The following DUSP4 variants were observed in gnomAD, a reference collection of about 807,000 sequenced individuals.
DUSP4 encodes dual specificity phosphatase 4.
A neutral mutation model predicts 27.2 loss-of-function variants in DUSP4; 12 were observed. The ratio of observed to expected loss-of-function variants is 0.44; its 90% CI spans 0.28 to 0.71. The LOEUF is 0.71. Among genes scored for constraint, DUSP4 ranks in the 30% least tolerant of loss-of-function variants. The probability of loss-of-function intolerance (pLI) is 0.14; values close to 1 mark genes in which losing one functional copy is unlikely to be tolerated. For synonymous variants in DUSP4, 257 were observed against 245.2 expected, an observed-to-expected ratio of 1.05 and a Z score of -0.45; for missense variants, 448 against 551.3, an observed-to-expected ratio of 0.81 and a Z score of 1.88.
At chr8:29,349,641 C>A (rs1817791254) in intron 1 of DUSP4, among the ~76,000 whole-genome samples, 1 of 152,226 alleles carries the variant, frequency 6.6e-6, no homozygotes, top group South Asian at 2.1e-4. Flanking sequence ...CGGAGAAACC[C>A]GTCCGCACTT....
rs1817607879 is a variant in DUSP4, at chr8:29,338,323, G to A, written c.758C>T (p.Ala253Val). The A allele has an allele frequency of 1.9e-6, 3 of 1,614,196 alleles. No homozygotes were observed. Among genetic ancestry groups the A allele is most frequent in the Non-Finnish European group, 1.7e-6 (2 of 1,180,048 alleles). ...KCIPVEDNHK[A>V]DISSWFMEAI... ...TTCCATGAACCAGGAGCTGATGTCG[G>A]CCTTGTGGTTATCTTCCACTGGGAT... The change falls in exon 3 of 4, where the codon GCC becomes GTC. Residue 253 changes from alanine to valine, a missense_variant. Ala to Val is a moderately conservative substitution (Grantham distance 64). Around this residue, in one of 3 missense-constraint regions of DUSP4, gnomAD observed 345 missense variants for 394.0 expected, o/e 0.88. Coordinates refer to ENST00000240100, the MANE Select transcript of DUSP4 (RefSeq NM_001394.7).
rs540182139 is a variant in DUSP4 at position 29,348,537 on chromosome 8, C to G, written c.433+1309G>C. The G allele has an allele frequency of 4.5e-5, 44 of 985,562 alleles. No individual in the cohort carries two copies. The South Asian group carries it at 1.8e-3, about 41-fold the overall frequency. The allele number at this position is 985,562 out of a possible 1,614,324, so 61.1% of individuals were successfully genotyped here. ...CAACCAAAGGTCAACAGCAGCGTTTCCCCAGCAGCTGACAGGTCAAATGGG... is the reference window on the plus strand; with the variant it reads ...CAACCAAAGGTCAACAGCAGCGTTTGCCCAGCAGCTGACAGGTCAAATGGG... On this transcript the variant is annotated intron_variant, in intron 1 of 3. Coordinates refer to ENST00000240100, the MANE Select transcript of DUSP4 (RefSeq NM_001394.7).
intron 3 of DUSP4, 58 bp downstream of exon 3, chr8:29,338,224 T>G (rs1817605883): frequency 6.4e-7 from 1 of 1,567,588 alleles, no homozygotes; most frequent in Non-Finnish European, 8.8e-7. Flanking sequence ...CTTACAGGGG[T>G]TCCTTATCCT....
intron 1 of DUSP4, chr8:29,345,599 T>C: frequency 1.3e-6 from 2 of 1,499,046 alleles, no homozygotes; most frequent in South Asian, 1.4e-5. Flanking sequence ...TCAGATGTTC[T>C]GATTTTTTTT....
chr8:29,347,567 C>G (rs1283142490), intron 1 of DUSP4, among the ~76,000 whole-genome samples: 1 of 152,186 alleles, frequency 6.6e-6, no homozygotes. Flanking sequence ...GAACTTCTGG[C>G]TAGGAGGGGC....
intron 1 of DUSP4, 21 bp from the exon 2 acceptor site, chr8:29,340,264 C>T (rs1817638798): frequency 1.3e-6 from 2 of 1,596,386 alleles, no homozygotes; most frequent in African/African-American, 1.3e-5. Flanking sequence ...GAAAGAAGCT[C>T]AGGTTAATGG....
intron 2 of DUSP4, 68 bp from the exon 3 acceptor site, chr8:29,338,569 A>C: frequency 2.6e-6 from 4 of 1,513,440 alleles, no homozygotes; most frequent in Non-Finnish European, 3.6e-6. Flanking sequence ...AGGGAGTGGA[A>C]GCTTGTCTGA....
At position 29,340,172 on chromosome 8, in the gene DUSP4, G is replaced by A. The variant is rs964673472; in HGVS notation, c.505C>T (p.Pro169Ser). The A allele has an allele frequency of 3.1e-5, 50 of 1,612,802 alleles. No individual in the cohort carries two copies. The highest frequency in any genetic ancestry group is 3.9e-5 in the Non-Finnish European group (46 of 1,179,550). The change falls in exon 2 of 4, where the codon CCC (proline) becomes TCC (serine). Residue 169 changes from proline to serine, a missense_variant. Transcript: ENST00000240100. ...SKTKALAAIP[P>S]PVPPSATEPL... is the part of the protein sequence containing the mutation. ...TCTGTGGCACTGGGGGGAACCGGGG[G>A]TGGGATGGCTGCCAGGGCCTTGGTT...
At position 29,336,709 on chromosome 8, in the gene DUSP4, T is replaced by A. The variant is rs1228082225; in HGVS notation, c.*317A>T. ...GCTAGGATCTGTGGGTTTCATCACT[T>A]CAAGCCTTACTGCTTAAAAAAATGA... On this transcript the variant is annotated 3_prime_UTR_variant, in exon 4 of 4. Transcript: ENST00000240100. 7.0e-6 allele frequency: 2 copies of A among 286,150 alleles called. No individual in the cohort carries two copies. Among genetic ancestry groups the A allele is most frequent in the East Asian group, 1.5e-4 (2 of 12,972 alleles). 17.7% of individuals were successfully genotyped at this position (286,150 alleles called of 1,614,324 possible). A position where few individuals can be genotyped will look rare whatever the true frequency, so the allele number is the denominator to read the frequency against.
intron 1 of DUSP4, chr8:29,345,650 TCTCC>T: frequency 6.8e-7 from 1 of 1,469,870 alleles, no homozygotes; most frequent in Non-Finnish European, 8.9e-7. Context: ...ACCCTTTCTC[TCTCC>T]CTCATTTTTC....
intron 1 of DUSP4, among the ~76,000 whole-genome samples, chr8:29,349,360 T>C (rs1048317247): frequency 6.6e-6 from 1 of 152,240 alleles, no homozygotes. Context: ...CAGGGTCTTG[T>C]TTTCAGTGAA....
chr8:29,349,021 G>C (rs1817782237), intron 1 of DUSP4, among the ~76,000 whole-genome samples: 1 of 152,210 alleles, frequency 6.6e-6, no homozygotes, highest in Non-Finnish European at 1.5e-5. Flanking sequence ...CAGGATTTCC[G>C]ACTACCAAAT....
In DUSP4 at chr8:29,350,196, G is replaced by A; in HGVS notation, c.83C>T (p.Ala28Val). 1 of 1,607,676 alleles carries A rather than the reference G, an allele frequency of 6.2e-7. No homozygotes were observed. The highest frequency in any genetic ancestry group is 8.5e-7 in the Non-Finnish European group (1 of 1,178,062). ...GGTGCCGTGGCTGCCGCTGCCGCCC[G>A]CGCCGCCGCCATTCTCGTCCCGGTT... ...LMNRDENGGG[A>V]GGSGSHGTLG... Residue 28 changes from alanine (A) to valine (V), a missense_variant, in exon 1 of 4, where the codon GCG becomes GTG. Ala to Val is a moderately conservative substitution (Grantham distance 64). Coordinates refer to ENST00000240100, the MANE Select transcript of DUSP4 (RefSeq NM_001394.7).
rs1348992247 is a variant in DUSP4, at chr8:29,333,894, C to G, written c.*3132G>C. ...TTGGAGTCAACTATCCTATGTCCCT[C>G]TCTCCATCTTCCCAAGATTTAAAAA... On this transcript the variant is annotated 3_prime_UTR_variant, in exon 4 of 4. Coordinates refer to ENST00000240100, the MANE Select transcript of DUSP4 (RefSeq NM_001394.7). The G allele has an allele frequency of 6.6e-6, 1 of 152,278 alleles. No homozygotes were observed. Among genetic ancestry groups the G allele is most frequent in the Non-Finnish European group, 1.5e-5 (1 of 68,062 alleles). The allele number at this position is 152,278 out of a possible 1,614,324, so 9.4% of individuals were successfully genotyped here.
chr8:29,348,816 C>T, intron 1 of DUSP4: 1 of 984,860 alleles, frequency 1.0e-6, no homozygotes, highest in South Asian at 4.7e-5. Context: ...CTACCGGGCT[C>T]GGAAGCGCAG....
In DUSP4 at chr8:29,350,274, AC is replaced by A. The variant is rs1455534234; in HGVS notation, c.4del (p.Val2Ter). The A allele has an allele frequency of 6.4e-7, 1 of 1,573,506 alleles. No individual in the cohort carries two copies. Among genetic ancestry groups the A allele is most frequent in the Non-Finnish European group, 8.6e-7 (1 of 1,158,566 alleles). On this transcript the variant is annotated frameshift_variant, in exon 1 of 4. Transcript: ENST00000240100. LOFTEE classifies it high-confidence loss of function. M[V>X]TMEELREMDC... ...CATCTCCCGCAGCTCCTCCATCGTC[AC>A]CATGGTCGCCGGGAACCGAGGCGGC... is the stretch of plus-strand genomic sequence containing the variant.
chr8:29,346,442 G>A (rs534859917), intron 1 of DUSP4, among the ~76,000 whole-genome samples: 2 of 152,288 alleles, frequency 1.3e-5, no homozygotes, highest in South Asian at 4.2e-4. Flanking sequence ...GCAAAGAATA[G>A]GGTAAGAAAA....
At position 29,336,908 on chromosome 8, in the gene DUSP4, G is replaced by A; in HGVS notation, c.*118C>T. The A allele has an allele frequency of 7.2e-7, 1 of 1,394,752 alleles. No individual in the cohort carries two copies. Among genetic ancestry groups the A allele is most frequent in the African/African-American group, 1.5e-5 (1 of 68,876 alleles). 86.4% of individuals were successfully genotyped at this position (1,394,752 alleles called of 1,614,324 possible). ...GCCTCGTCGTTGGCCAAGGAGAAAT[G>A]ATGGGGAAGGAGCTCGGTCGCCTGC... is the stretch of plus-strand genomic sequence containing the variant. On this transcript the variant is annotated 3_prime_UTR_variant, in exon 4 of 4. Coordinates refer to ENST00000240100, the MANE Select transcript of DUSP4 (RefSeq NM_001394.7).
intron 1 of DUSP4, among the ~76,000 whole-genome samples, chr8:29,342,585 GAGACCTCC>G (rs1587048290): frequency 6.6e-6 from 1 of 152,104 alleles, no homozygotes; most frequent in South Asian, 2.1e-4. Context: ...TTGGTTTCCG[GAGACCTCC>G]AGACCTCCAT....
Sources: gnomAD v4.1 joint callset for allele counts (sites outside exome capture counted in the v4.1 genomes callset) on GRCh38, gnomAD v4.1.1 for gene constraint, gnomAD v4.1.1 regional missense constraint, MANE v1.5 for transcripts, NCBI Gene and HGNC (gene_info 2026-07-23, HGNC 2026-07-21) for gene names.